Variants in HDAC9 observed in about 807,000 individuals in gnomAD.
HDAC9 encodes the protein MEF-2 interacting transcription repressor (MITR) protein.
HDAC9 carries 41 observed loss-of-function variants against 139.4 expected under a neutral mutation model. The observed-to-expected ratio is 0.29, with a 90% CI of 0.23 to 0.38. The LOEUF (loss-of-function observed/expected upper bound fraction) is 0.38. HDAC9 is among the 10% of genes least tolerant of loss of function. The pLI, the probability that HDAC9 is intolerant of heterozygous loss-of-function variation, is 1.00. For missense variants in HDAC9, 1,147 were observed against 1,297.0 expected (o/e 0.88, Z 1.78); for synonymous variants, 517 against 476.2 (o/e 1.09, Z -1.12).
At chr7:18,736,460 G>T (rs1347212109) in intron 13 of HDAC9, among the ~76,000 whole-genome samples, 1 of 152,116 alleles carries the variant, frequency 6.6e-6, no homozygotes, top group Non-Finnish European at 1.5e-5. Context: ...GTTGAATTTT[G>T]TCTAAGGCCT....
intron 12 of HDAC9, among the ~76,000 whole-genome samples, chr7:18,700,152 G>T (rs747781714): frequency 3.3e-5 from 5 of 152,108 alleles, no homozygotes; most frequent in Non-Finnish European, 7.4e-5. Flanking sequence ...GAGAGGTAAC[G>T]ATTCTAAAGG....
At chr7:18,705,674 AACCCCGTTTCT>A (rs1783833689) in intron 12 of HDAC9, among the ~76,000 whole-genome samples, 1 of 151,790 alleles carries the variant, frequency 6.6e-6, no homozygotes, top group South Asian at 2.1e-4. Flanking sequence ...AACATGCCGA[AACCCCGTTTCT>A]ACTAAAAAAA....
At chr7:18,352,244 C>T (rs969863048) in intron 1 of HDAC9, among the ~76,000 whole-genome samples, 11 of 152,186 alleles carry the variant, frequency 7.2e-5, no homozygotes, top group African/African-American at 2.6e-4. Flanking sequence ...ATAGGCCCTC[C>T]AACCAAAAAT....
intron 12 of HDAC9, among the ~76,000 whole-genome samples, chr7:18,670,735 C>G (rs1488180126): frequency 6.6e-6 from 1 of 151,998 alleles, no homozygotes; most frequent in Non-Finnish European, 1.5e-5. Context: ...TATATCTGCC[C>G]GATATGCTTA....
At chr7:18,560,190 AG>A (rs1820146678) in intron 2 of HDAC9, among the ~76,000 whole-genome samples, 1 of 152,194 alleles carries the variant, frequency 6.6e-6, no homozygotes, top group African/African-American at 2.4e-5. Flanking sequence ...ACATAATATT[AG>A]GTATATGTTA....
chr7:18,585,481 T>C lies in HDAC9; in HGVS notation c.223T>C (p.Leu75=). 1 of 1,613,858 alleles carries C rather than the reference T, an allele frequency of 6.2e-7. No homozygotes were observed. Among genetic ancestry groups the C allele is most frequent in the South Asian group, 1.1e-5 (1 of 91,076 alleles). ...AGAGTTTCAGAAACAGCATGAGAACTTGACACGGCAGCACCAGGCTCAGCT... is the reference window on the plus strand; with the variant it reads ...AGAGTTTCAGAAACAGCATGAGAACCTGACACGGCAGCACCAGGCTCAGCT... ...IAEFQKQHEN[L]TRQHQAQLQE... Residue 75 remains leucine, a synonymous_variant, in exon 3 of 26, where the codon TTG becomes CTG. Transcript: ENST00000686413.
intron 2 of HDAC9, among the ~76,000 whole-genome samples, chr7:18,546,152 T>C (rs1256870416): frequency 6.6e-6 from 1 of 152,356 alleles, no homozygotes; most frequent in East Asian, 1.9e-4. Context: ...CCTAGCCTAA[T>C]GATTGCATAG....
At chr7:18,857,673 T>C (rs947530458) in intron 21 of HDAC9, among the ~76,000 whole-genome samples, 1 of 152,122 alleles carries the variant, frequency 6.6e-6, no homozygotes, top group Non-Finnish European at 1.5e-5. Flanking sequence ...TTGTTAAGTA[T>C]AGGAATCATA....
intron 12 of HDAC9, among the ~76,000 whole-genome samples, chr7:18,693,051 A>G (rs187973921): frequency 2.6e-5 from 4 of 152,162 alleles, no homozygotes; most frequent in Admixed American, 2.6e-4. Flanking sequence ...ATTGTGCCCC[A>G]TAAATATAGA....
At chr7:18,969,542 A>G (rs1182826756) in intron 24 of HDAC9, among the ~76,000 whole-genome samples, 1 of 152,240 alleles carries the variant, frequency 6.6e-6, no homozygotes, top group East Asian at 1.9e-4. Context: ...AATGTAGGAA[A>G]GGGATCACAA....
chr7:18,821,223 G>A (rs1427853898), intron 17 of HDAC9, among the ~76,000 whole-genome samples: 4 of 152,202 alleles, frequency 2.6e-5, no homozygotes, highest in Non-Finnish European at 5.9e-5. Flanking sequence ...CTGCTTAAAG[G>A]CCCTACCATT....
At chr7:18,147,077 A>G (rs1017099963) in intron 1 of HDAC9, among the ~76,000 whole-genome samples, 4 of 152,158 alleles carry the variant, frequency 2.6e-5, no homozygotes, top group African/African-American at 9.6e-5. Flanking sequence ...TATTTTGTCT[A>G]TTTAACAACT....
At chr7:18,515,118 G>T (rs887920594) in intron 2 of HDAC9, among the ~76,000 whole-genome samples, 1 of 152,112 alleles carries the variant, frequency 6.6e-6, no homozygotes, top group Non-Finnish European at 1.5e-5. Context: ...ATTGGTTATT[G>T]GTTCTAAAGT....
chr7:18,872,863 G>A (rs1799036109), intron 21 of HDAC9, among the ~76,000 whole-genome samples: 1 of 152,088 alleles, frequency 6.6e-6, no homozygotes. Context: ...AAAAGAGATG[G>A]AAAATTGATT....
At chr7:18,329,262 T>A (rs928666904) in intron 1 of HDAC9, among the ~76,000 whole-genome samples, 1 of 151,688 alleles carries the variant, frequency 6.6e-6, no homozygotes, top group Non-Finnish European at 1.5e-5. Context: ...GAGGAATCAG[T>A]TTTAATGTAT....
At chr7:18,093,205 T>C (rs763658342) in intron 1 of HDAC9, among the ~76,000 whole-genome samples, 29 of 152,292 alleles carry the variant, frequency 1.9e-4, no homozygotes, top group Non-Finnish European at 2.9e-4. Context: ...GCCTCCCTTC[T>C]CCCCTGGCAG....
At chr7:18,199,993 C>G (rs933651059) in intron 2 of HDAC9, among the ~76,000 whole-genome samples, 2 of 151,990 alleles carry the variant, frequency 1.3e-5, no homozygotes, top group Non-Finnish European at 2.9e-5. Flanking sequence ...CATAAAAAAG[C>G]AAGAGTAAAA....
intron 13 of HDAC9, among the ~76,000 whole-genome samples, chr7:18,742,067 C>T (rs192401823): frequency 1.3e-4 from 20 of 152,106 alleles, no homozygotes; most frequent in Middle Eastern, 3.4e-3. Flanking sequence ...GTTGAAATGA[C>T]GAGAAAGGAT....
intron 2 of HDAC9, among the ~76,000 whole-genome samples, chr7:18,268,200 C>T (rs1287607464): frequency 6.6e-6 from 1 of 152,090 alleles, no homozygotes; most frequent in Non-Finnish European, 1.5e-5. Context: ...TAAAATTCAT[C>T]TAACATATCC....
Sources: gnomAD v4.1 joint callset for allele counts (sites outside exome capture counted in the v4.1 genomes callset) on GRCh38, gnomAD v4.1.1 for gene constraint, MANE v1.5 for transcripts, NCBI Gene and HGNC (gene_info 2026-07-23, HGNC 2026-07-21) for gene names.